ADGRG6: variants seen among roughly 807,000 people sequenced by gnomAD.
ADGRG6 encodes G-protein coupled receptor 126.
Under a neutral mutation model 142.4 loss-of-function variants are expected in ADGRG6, and 84 were observed. The ratio of observed to expected loss-of-function variants is 0.59; its 90% CI spans 0.49 to 0.71. The LOEUF is 0.71. Among genes scored for constraint, ADGRG6 ranks in the 30% least tolerant of loss-of-function variants. The pLI, the probability that ADGRG6 is intolerant of heterozygous loss-of-function variation, is 0.00. For synonymous variants in ADGRG6, 521 were observed against 520.5 expected, an observed-to-expected ratio of 1.00 and a Z score of -0.01; for missense variants, 1,367 against 1,466.6, an observed-to-expected ratio of 0.93 and a Z score of 1.11.
intron 2 of ADGRG6, among the ~76,000 whole-genome samples, chr6:142,316,446 G>C (rs1778074388): frequency 6.6e-6 from 1 of 152,144 alleles, no homozygotes; most frequent in African/African-American, 2.4e-5. Context: ...GCAAACAGAA[G>C]GATCTTTTTA....
intron 22 of ADGRG6, among the ~76,000 whole-genome samples, chr6:142,432,133 G>C (rs1372490308): frequency 1.3e-5 from 2 of 151,920 alleles, no homozygotes; most frequent in African/African-American, 4.8e-5. Context: ...TAGCCTCCAG[G>C]TGCCCTTGGC....
rs199553814 is a variant in ADGRG6 at position 142,342,918 on chromosome 6, A to G, written c.104-24651A>G. ...TAAATGAAATTTTGACCTCTGATTTACTCATGTTATTATTACCTTTGTGTA... is the reference window on the plus strand; with the variant it reads ...TAAATGAAATTTTGACCTCTGATTTGCTCATGTTATTATTACCTTTGTGTA... On this transcript the variant is annotated intron_variant, in intron 2 of 24. Transcript: ENST00000367609. Among the ~76,000 whole-genome samples, 3 of 151,818 alleles carry G rather than the reference A, an allele frequency of 2.0e-5. No homozygotes were observed. The East Asian group carries it at 5.8e-4, about 29-fold the overall frequency.
chr6:142,402,668 G>GGCA lies in ADGRG6; in HGVS notation c.1795_1797dup (p.Gln599dup). The GGCA allele has an allele frequency of 6.2e-7, 1 of 1,609,164 alleles. No homozygotes were observed. Among genetic ancestry groups the GGCA allele is most frequent in the Non-Finnish European group, 8.5e-7 (1 of 1,176,768 alleles). ...CAGATTTTAAATTTAACTGCTGATG[G>GGCA]GCAGAACTTAACCTCAGCCAATATT... On this transcript the variant is annotated inframe_insertion, in exon 13 of 25. Transcript: ENST00000367609.
intron 22 of ADGRG6, among the ~76,000 whole-genome samples, chr6:142,429,992 A>G (rs1277800227): frequency 6.6e-6 from 1 of 152,186 alleles, no homozygotes; most frequent in African/African-American, 2.4e-5. Flanking sequence ...TCAAGGTTAC[A>G]GTGATTTATA....
Position 142,367,718 on chromosome 6 carries a change from G to C in ADGRG6, c.253G>C (p.Asp85His), listed in dbSNP as rs375452464. The change falls in exon 3 of 25, where the codon GAC (aspartate) becomes CAC (histidine). Residue 85 changes from aspartate (D) to histidine (H), a missense_variant. This residue lies in a region of ADGRG6 where 737 missense variants were observed against 746.5 expected (regional missense o/e 0.99). Transcript: ENST00000367609. ...TTATATCATTCAGATAACATTTAACGACTTTGACATTGAAGAAGCTCCCAA... is the reference window on the plus strand; with the variant it reads ...TTATATCATTCAGATAACATTTAACCACTTTGACATTGAAGAAGCTCCCAA... Reference protein sequence around the residue: ...TGYIIQITFNDFDIEEAPNCI... With the variant: ...TGYIIQITFNHFDIEEAPNCI... 2 of 1,613,822 alleles carry C rather than the reference G, an allele frequency of 1.2e-6. No individual in the cohort carries two copies. Among genetic ancestry groups the C allele is most frequent in the Admixed American group, 3.3e-5 (2 of 60,004 alleles).
At chr6:142,413,898 A>AACACACACACAC (rs1554252954) in intron 18 of ADGRG6, among the ~76,000 whole-genome samples, 21 of 89,854 alleles carry the variant, frequency 2.3e-4, no homozygotes, top group African/African-American at 9.5e-4. Flanking sequence ...ACATTTCTTT[A>AACACACACACAC]TCACACACAC....
rs1188434829 is a variant in ADGRG6, at chr6:142,437,588, C to T, written c.3421+53C>T. ...TCTACAAGTAGATGGGAAAGTTTGT[C>T]ATTCAGTCTTTCATTGTCAGAGCAA... On this transcript the variant is annotated intron_variant, in intron 23 of 24. Transcript: ENST00000367609. The T allele has an allele frequency of 4.6e-6, 4 of 875,072 alleles. No homozygotes were observed. The African/African-American group carries it at 6.6e-5, about 14-fold the overall frequency. 54.2% of individuals were successfully genotyped at this position (875,072 alleles called of 1,614,324 possible).
intron 2 of ADGRG6, among the ~76,000 whole-genome samples, chr6:142,343,479 T>C (rs185569942): frequency 2.2e-3 from 340 of 151,968 alleles, no homozygotes; most frequent in Non-Finnish European, 3.8e-3. Flanking sequence ...TTCCTCATGA[T>C]CTTATTTAGT....
intron 24 of ADGRG6, chr6:142,440,857 G>T (rs1777724509): frequency 7.9e-6 from 7 of 890,032 alleles, no homozygotes; most frequent in Middle Eastern, 2.1e-4. Flanking sequence ...TGGATATCTA[G>T]CTGGTTCATT....
At chr6:142,323,569 C>T (rs540701536) in intron 2 of ADGRG6, among the ~76,000 whole-genome samples, 13 of 152,062 alleles carry the variant, frequency 8.5e-5, no homozygotes, top group African/African-American at 2.9e-4. Flanking sequence ...CATTGCTTAA[C>T]GACAAAGGTA....
At chr6:142,379,647 G>C (rs1289417113) in intron 4 of ADGRG6, among the ~76,000 whole-genome samples, 1 of 152,056 alleles carries the variant, frequency 6.6e-6, no homozygotes, top group African/African-American at 2.4e-5. Context: ...GGCGCCTGTA[G>C]TCCCAGCTAC....
chr6:142,315,369 A>G (rs1777992105), intron 2 of ADGRG6, among the ~76,000 whole-genome samples: 1 of 126,530 alleles, frequency 7.9e-6, no homozygotes, highest in South Asian at 2.4e-4. Context: ...AAGAAGATGG[A>G]AAAAAAAAAC....
chr6:142,309,286 A>T (rs1386682636), intron 1 of ADGRG6, among the ~76,000 whole-genome samples: 1 of 151,846 alleles, frequency 6.6e-6, no homozygotes, highest in Admixed American at 6.6e-5. Flanking sequence ...TTCATGCAGA[A>T]ATCACCTATT....
intron 2 of ADGRG6, among the ~76,000 whole-genome samples, chr6:142,350,616 AATAAAT>A (rs1309730508): frequency 6.6e-5 from 10 of 152,354 alleles, no homozygotes; most frequent in African/African-American, 2.4e-4. Flanking sequence ...GTATGTGCTG[AATAAAT>A]ATAAAGTGAC....
chr6:142,357,279 A>G (rs1018227121), intron 2 of ADGRG6, among the ~76,000 whole-genome samples: 1 of 152,152 alleles, frequency 6.6e-6, no homozygotes. Context: ...CCCCTGATAC[A>G]TTATACCTGA....
At chr6:142,348,441 C>G (rs920269968) in intron 2 of ADGRG6, among the ~76,000 whole-genome samples, 1 of 151,976 alleles carries the variant, frequency 6.6e-6, no homozygotes, top group Non-Finnish European at 1.5e-5. Context: ...AAAAGGAAAA[C>G]AAAAATTTTG....
Position 142,392,965 on chromosome 6 carries a change from A to G in ADGRG6, c.1326A>G (p.Gln442=). 1 of 1,599,598 alleles carries G rather than the reference A, an allele frequency of 6.3e-7. No individual in the cohort carries two copies. The highest frequency in any genetic ancestry group is 8.6e-7 in the Non-Finnish European group (1 of 1,167,398). Residue 442 remains glutamine, a synonymous_variant, in exon 8 of 25, where the codon CAA becomes CAG. Coordinates refer to ENST00000367609, the MANE Select transcript of ADGRG6 (RefSeq NM_198569.3). The part of the protein sequence containing the change: ...KVAEWLNSTF[Q]NWNYTVYVVN... Reference sequence around the variant, plus strand: ...TTTTCCAGCTCAATTCAACCTTCCAAAATTGGAACTACACGGTTTATGTCG... The same window carrying G: ...TTTTCCAGCTCAATTCAACCTTCCAGAATTGGAACTACACGGTTTATGTCG...
At chr6:142,441,015 C>A in intron 24 of ADGRG6, 1 of 764,032 alleles carries the variant, frequency 1.3e-6, no homozygotes. Flanking sequence ...AGAATATGTG[C>A]ATGGATTAAG....
chr6:142,441,041 C>A, intron 24 of ADGRG6: 2 of 616,860 alleles, frequency 3.2e-6, no homozygotes, highest in Non-Finnish European at 5.5e-6. Flanking sequence ...ATTCTTGCTG[C>A]ATCGGCAAAA....
Sources: gnomAD v4.1 joint callset for allele counts (sites outside exome capture counted in the v4.1 genomes callset) on GRCh38, gnomAD v4.1.1 for gene constraint, gnomAD v4.1.1 regional missense constraint, MANE v1.5 for transcripts, NCBI Gene and HGNC (gene_info 2026-07-23, HGNC 2026-07-21) for gene names.